The following ZNF497 variants were observed in gnomAD, a reference collection of about 807,000 sequenced individuals.
The protein encoded by ZNF497 is zinc finger-like protein.
For synonymous variants in ZNF497, 422 were observed against 313.7 expected, an observed-to-expected ratio of 1.35 and a Z score of -3.65; for missense variants, 930 against 714.0, an observed-to-expected ratio of 1.30 and a Z score of -3.45.
chr19:58,358,770 C>T (rs769119104), intron 1 of ZNF497, 185 bp from the exon 2 acceptor site: 5 of 458,548 alleles, frequency 1.1e-5, no homozygotes, highest in South Asian at 7.7e-5. Context: ...CACCAAACTC[C>T]CACCTGTCAC....
intron 2 of ZNF497, 47 bp downstream of exon 2, chr19:58,358,442 C>A: frequency 8.6e-7 from 1 of 1,162,116 alleles, no homozygotes; most frequent in Non-Finnish European, 1.1e-6. Context: ...AGTCTCCAGC[C>A]CCGCTGCCAA....
chr19:58,362,630 G>A (rs896621844), intron 1 of ZNF497, 47 bp downstream of exon 1: 1 of 152,198 alleles, frequency 6.6e-6, no homozygotes, highest in East Asian at 1.9e-4. Context: ...GTTGGAGCCG[G>A]AGGGCGGATC....
rs1225564372 is a variant in ZNF497 at position 58,356,418 on chromosome 19, A to C, written c.1218T>G (p.Leu406=). The change falls in exon 3 of 3, where the codon CTT becomes CTG. Residue 406 remains leucine, a synonymous_variant. Coordinates refer to ENST00000311044, the MANE Select transcript of ZNF497 (RefSeq NM_198458.3). Reference sequence around the variant, plus strand: ...CGAAGGGTCGCTCTCCCGTGTGCGAAAGCCGGTGGTGCGCCAGGCCGGAAC... The same window carrying C: ...CGAAGGGTCGCTCTCCCGTGTGCGACAGCCGGTGGTGCGCCAGGCCGGAAC... ...RGSSGLAHHR[L]SHTGERPFAC... is the part of the protein sequence containing the mutation. 8.3e-6 allele frequency: 13 copies of C among 1,559,546 alleles called. No individual in the cohort carries two copies. Among genetic ancestry groups the C allele is most frequent in the Non-Finnish European group, 9.5e-6 (11 of 1,158,576 alleles).
rs1023736832 is a variant in ZNF497, at chr19:58,356,407, C to G, written c.1229G>C (p.Gly410Ala). Residue 410 changes from glycine (G) to alanine (A), a missense_variant, in exon 3 of 3, where the codon GGA (glycine) becomes GCA (alanine). Physicochemically the swap from Gly to Ala is moderately conservative, Grantham distance 60. Transcript: ENST00000311044. ...GLAHHRLSHT[G>A]ERPFACAECG... Reference sequence around the variant, plus strand: ...TTCTGCGCAGGCGAAGGGTCGCTCTCCCGTGTGCGAAAGCCGGTGGTGCGC... The same window carrying G: ...TTCTGCGCAGGCGAAGGGTCGCTCTGCCGTGTGCGAAAGCCGGTGGTGCGC... 4 of 1,565,726 alleles carry G rather than the reference C, an allele frequency of 2.6e-6. No homozygotes were observed. In the Admixed American group the frequency reaches 7.3e-5, roughly 29 times the overall value.
At position 58,356,525 on chromosome 19, in the gene ZNF497, A is replaced by C; in HGVS notation, c.1111T>G (p.Ser371Ala). The change falls in exon 3 of 3, where the codon TCC becomes GCC. Residue 371 changes from serine to alanine, a missense_variant. Coordinates refer to ENST00000311044, the MANE Select transcript of ZNF497 (RefSeq NM_198458.3). Reference sequence around the variant, plus strand: ...GTGCGCCGGTGGCTCAGTAGGTTGGAGCGCTGGCTGAAGGCCTTGCCGCAC... The same window carrying C: ...GTGCGCCGGTGGCTCAGTAGGTTGGCGCGCTGGCTGAAGGCCTTGCCGCAC... ...AQCGKAFSQR[S>A]NLLSHRRTHS... The C allele has an allele frequency of 6.5e-7, 1 of 1,549,536 alleles. No individual in the cohort carries two copies. The highest frequency in any genetic ancestry group is 8.7e-7 in the Non-Finnish European group (1 of 1,152,980).
Position 58,355,917 on chromosome 19 carries a change from A to G in ZNF497, c.*222T>C. ...AGCCTGCCGCCCTCCCTGGGGTAAG[A>G]GCCCATCCTACATGTCCCCAGACAG... On this transcript the variant is annotated 3_prime_UTR_variant, in exon 3 of 3. Transcript: ENST00000311044. 1.9e-6 allele frequency: 1 copy of G among 524,632 alleles called. No individual in the cohort carries two copies. Among genetic ancestry groups the G allele is most frequent in the Non-Finnish European group, 3.2e-6 (1 of 308,442 alleles). The allele number at this position is 524,632 out of a possible 1,614,324, so 32.5% of individuals were successfully genotyped here. A position where few individuals can be genotyped will look rare whatever the true frequency, so the allele number is the denominator to read the frequency against.
chr19:58,358,149 G>C (rs1326440499), intron 2 of ZNF497: 3 of 1,289,198 alleles, frequency 2.3e-6, no homozygotes, highest in Non-Finnish European at 3.0e-6. Flanking sequence ...TCCCTGGGTA[G>C]TCCCCTCCAC....
rs748397788 is a variant in ZNF497, at chr19:58,357,014, G to A, written c.622C>T (p.His208Tyr). Reference protein sequence around the residue: ...SFGRSTTLVQHRRTHTGEKPY... With the variant: ...SFGRSTTLVQYRRTHTGEKPY... ...TTCTCGCCCGTGTGCGTGCGTCGGT[G>A]CTGCACCAGCGTGGTGCTTCGGCCG... The change falls in exon 3 of 3, where the codon CAC becomes TAC. Residue 208 changes from histidine to tyrosine, a missense_variant. Transcript: ENST00000311044. 2 of 1,609,818 alleles carry A rather than the reference G, an allele frequency of 1.2e-6. No individual in the cohort carries two copies. The highest frequency in any genetic ancestry group is 1.7e-6 in the Non-Finnish European group (2 of 1,179,138).
rs1274714715 is a variant in ZNF497 at position 58,355,868 on chromosome 19, T to C, written c.*271A>G. 3 of 445,618 alleles carry C rather than the reference T, an allele frequency of 6.7e-6. No homozygotes were observed. The highest frequency in any genetic ancestry group is 6.2e-5 in the African/African-American group (3 of 48,166). The allele number at this position is 445,618 out of a possible 1,614,324, so 27.6% of individuals were successfully genotyped here. On this transcript the variant is annotated 3_prime_UTR_variant, in exon 3 of 3. Coordinates refer to ENST00000311044, the MANE Select transcript of ZNF497 (RefSeq NM_198458.3). ...ACCCCAGTTCTTGCCCACCTCTGCA[T>C]GGACGAACCTCTCGCCGAAGTGGAG...
In ZNF497 at chr19:58,356,021, C is replaced by CA; in HGVS notation, c.*117dup. The CA allele has an allele frequency of 8.1e-7, 1 of 1,235,824 alleles. No homozygotes were observed. The highest frequency in any genetic ancestry group is 2.8e-4 in the Middle Eastern group (1 of 3,554). The allele number at this position is 1,235,824 out of a possible 1,614,324, so 76.6% of individuals were successfully genotyped here. A position where few individuals can be genotyped will look rare whatever the true frequency, so the allele number is the denominator to read the frequency against. ...ACACCCAAGGCCGCCCCTGCACTCCCAGCAGGAGGGCGCCCGCACCGGCGG... is the reference window on the plus strand; with the variant it reads ...ACACCCAAGGCCGCCCCTGCACTCCCAAGCAGGAGGGCGCCCGCACCGGCGG... On this transcript the variant is annotated 3_prime_UTR_variant, in exon 3 of 3. Transcript: ENST00000311044.
chr19:58,358,002 G>A, intron 2 of ZNF497: 1 of 1,244,604 alleles, frequency 8.0e-7, no homozygotes, highest in South Asian at 1.6e-5. Flanking sequence ...TTCACAGGGT[G>A]GGGCCCCAAG....
Position 58,357,434 on chromosome 19 carries a change from C to G in ZNF497, c.202G>C (p.Gly68Arg), listed in dbSNP as rs202207008. Residue 68 changes from glycine to arginine, a missense_variant, in exon 3 of 3, where the codon GGA becomes CGA. By Grantham distance (125) the Gly-to-Arg change is moderately radical. Transcript: ENST00000311044. ...QATLGAADEQGGPGRELGPAD... is the reference protein window; with the variant it reads ...QATLGAADEQRGPGRELGPAD... ...GGGCCCAGCTCCCTGCCGGGGCCTC[C>G]CTGTTCGTCCGCCGCCCCCAGTGTG... 2.4e-4 allele frequency: 381 copies of G among 1,600,796 alleles called. No homozygotes were observed. The African/African-American group carries it at 4.6e-3, about 19-fold the overall frequency.
Position 58,356,470 on chromosome 19 carries a change from G to A in ZNF497, c.1166C>T (p.Ala389Val). ...GCCGCGGAAGGCCTTGCCGCAGTCG[G>A]CGCAGGCGAAGGGCTTGGCGCCCGA... ...THSGAKPFAC[A>V]DCGKAFRGSS... is the part of the protein sequence containing the mutation. Residue 389 changes from alanine to valine, a missense_variant, in exon 3 of 3, where the codon GCC becomes GTC. Ala to Val is a moderately conservative substitution (Grantham distance 64). Transcript: ENST00000311044. 6.4e-7 allele frequency: 1 copy of A among 1,551,064 alleles called. No individual in the cohort carries two copies. The highest frequency in any genetic ancestry group is 8.7e-7 in the Non-Finnish European group (1 of 1,154,498).
chr19:58,358,251 G>T (rs2052050973), intron 2 of ZNF497: 1 of 1,289,822 alleles, frequency 7.8e-7, no homozygotes, highest in Non-Finnish European at 1.0e-6. Flanking sequence ...CAGACCAGGT[G>T]GTCCAAGGCA....
chr19:58,358,445 G>C, intron 2 of ZNF497, 44 bp downstream of exon 2: 1 of 1,157,718 alleles, frequency 8.6e-7, no homozygotes, highest in Non-Finnish European at 1.1e-6. Context: ...CTCCAGCCCC[G>C]CTGCCAAGGC....
In ZNF497 at chr19:58,360,309, A is replaced by T. The variant is rs1049621260; in HGVS notation, c.-111-1724T>A. The stretch of plus-strand genomic sequence containing the variant: ...GAATTGTATGGTATTTATGTTTTTT[A>T]AAAAAGTTACCACCCAATCCCAAAA... On this transcript the variant is annotated intron_variant, in intron 1 of 2. Transcript: ENST00000311044. Among the ~76,000 whole-genome samples the T allele has an allele frequency of 4.6e-5, 7 of 152,178 alleles. No homozygotes were observed. The East Asian group carries it at 5.8e-4, about 13-fold the overall frequency.
chr19:58,356,652 C>T lies in ZNF497; in HGVS notation c.984G>A (p.Arg328=), dbSNP rs1309190713. The T allele has an allele frequency of 1.3e-6, 2 of 1,547,900 alleles. No individual in the cohort carries two copies. The highest frequency in any genetic ancestry group is 1.4e-5 in the African/African-American group (1 of 73,110). Residue 328 remains arginine (R), a synonymous_variant, in exon 3 of 3, where the codon CGG becomes CGA. Coordinates refer to ENST00000311044, the MANE Select transcript of ZNF497 (RefSeq NM_198458.3). Reference sequence around the variant, plus strand: ...GGCCGCACTCGGCGCACTCGAAGGGCCGCTCACCAGTGTGCGTGCGCTGGT... The same window carrying T: ...GGCCGCACTCGGCGCACTCGAAGGGTCGCTCACCAGTGTGCGTGCGCTGGT... ...LQHQRTHTGE[R]PFECAECGQA... is the part of the protein sequence containing the mutation.
In ZNF497 at chr19:58,354,634, T is replaced by A. The variant is rs1023340779; in HGVS notation, c.*1505A>T. ...TGGAGACTCCCTCTGTTTGGTCCCA[T>A]TTCCATATTGCTGAGCACCTGCTGC... is the stretch of plus-strand genomic sequence containing the variant. On this transcript the variant is annotated 3_prime_UTR_variant, in exon 3 of 3. Coordinates refer to ENST00000311044, the MANE Select transcript of ZNF497 (RefSeq NM_198458.3). 1 of 152,366 alleles carries A rather than the reference T, an allele frequency of 6.6e-6. No individual in the cohort carries two copies. The highest frequency in any genetic ancestry group is 6.5e-5 in the Admixed American group (1 of 15,276). The allele number at this position is 152,366 out of a possible 1,614,324, so 9.4% of individuals were successfully genotyped here.
chr19:58,356,851 G>T lies in ZNF497; in HGVS notation c.785C>A (p.Ala262Asp), dbSNP rs770149501. The change falls in exon 3 of 3, where the codon GCC becomes GAC. Residue 262 changes from alanine (A) to aspartate (D), a missense_variant. Coordinates refer to ENST00000311044, the MANE Select transcript of ZNF497 (RefSeq NM_198458.3). Reference protein sequence around the residue: ...GKAFSQSSNLAEHLKIHAGAR... With the variant: ...GKAFSQSSNLDEHLKIHAGAR... ...GCCCGCGTGGATCTTCAGGTGCTCG[G>T]CCAGGTTGGAGCTCTGGCTGAAGGC... 5.7e-6 allele frequency: 9 copies of T among 1,574,536 alleles called. No homozygotes were observed. The Admixed American group carries it at 1.1e-4, about 19-fold the overall frequency.
Sources: gnomAD v4.1 joint callset for allele counts (sites outside exome capture counted in the v4.1 genomes callset) on GRCh38, gnomAD v4.1.1 for gene constraint, MANE v1.5 for transcripts, NCBI Gene and HGNC (gene_info 2026-07-23, HGNC 2026-07-21) for gene names.